The following TMPRSS11F variants were observed in gnomAD, a reference collection of about 807,000 sequenced individuals.
The protein encoded by TMPRSS11F is transmembrane protease serine 11F.
In TMPRSS11F, 47 loss-of-function variants were observed where a neutral mutation model predicts 60.2. That is an observed-to-expected ratio of 0.78 (90% CI 0.62 to 1.00). The LOEUF is 1.00. TMPRSS11F is among the 50% of genes least tolerant of loss of function. The pLI is 0.00. For missense variants in TMPRSS11F, 519 were observed against 522.9 expected (o/e 0.99, Z 0.07); for synonymous variants, 166 against 167.3 (o/e 0.99, Z 0.06).
chr4:68,098,606 G>A (rs1457932358), intron 2 of TMPRSS11F, among the ~76,000 whole-genome samples: 1 of 152,102 alleles, frequency 6.6e-6, no homozygotes, highest in Non-Finnish European at 1.5e-5. Flanking sequence ...AGCACATTAT[G>A]TAATTTGTCT....
intron 1 of TMPRSS11F, among the ~76,000 whole-genome samples, chr4:68,109,705 A>G (rs1724374531): frequency 6.6e-6 from 1 of 152,184 alleles, no homozygotes; most frequent in African/African-American, 2.4e-5. Context: ...TCAGGACTAT[A>G]TAAACATCCT....
rs372693715 is a variant in TMPRSS11F, at chr4:68,068,839, T to C, written c.554-20A>G. 1 of 1,611,068 alleles carries C rather than the reference T, an allele frequency of 6.2e-7. No individual in the cohort carries two copies. Among genetic ancestry groups the C allele is most frequent in the Non-Finnish European group, 8.5e-7 (1 of 1,177,504 alleles). ...CACAGCCTGCCACAGAAATACATGA[T>C]CATTCATATTCATAAAAAGGAGGAA... On this transcript the variant is annotated intron_variant, in intron 6 of 9. Transcript: ENST00000356291.
intron 1 of TMPRSS11F, among the ~76,000 whole-genome samples, chr4:68,115,775 A>G (rs1186812428): frequency 6.6e-6 from 1 of 152,224 alleles, no homozygotes; most frequent in African/African-American, 2.4e-5. Flanking sequence ...AATAGCACTG[A>G]AAACTATGAA....
chr4:68,093,146 T>G lies in TMPRSS11F; in HGVS notation c.164-2505A>C, dbSNP rs191508339. Among the ~76,000 whole-genome samples, 32 of 152,352 alleles carry G rather than the reference T, an allele frequency of 2.1e-4. No individual in the cohort carries two copies. In the Middle Eastern group the frequency reaches 0.014, roughly 65 times the overall value. On this transcript the variant is annotated intron_variant, in intron 2 of 9. Coordinates refer to ENST00000356291, the MANE Select transcript of TMPRSS11F (RefSeq NM_207407.2). ...AGGAAGCCATTGTAGAAATCGAATT[T>G]AATAATGGCAAATATTTGTGAGAAA...
chr4:68,086,504 A>G (rs1363809398), intron 3 of TMPRSS11F, among the ~76,000 whole-genome samples: 1 of 152,160 alleles, frequency 6.6e-6, no homozygotes, highest in African/African-American at 2.4e-5. Context: ...AAGCTAGCAA[A>G]ATAAAAGACA....
At chr4:68,107,933 C>T (rs1183647841) in intron 1 of TMPRSS11F, among the ~76,000 whole-genome samples, 16 of 152,066 alleles carry the variant, frequency 1.1e-4, no homozygotes, top group Non-Finnish European at 2.2e-4. Flanking sequence ...GAGACTCTGT[C>T]TCAAATTTAA....
chr4:68,053,614 G>C lies in TMPRSS11F; in HGVS notation c.*295C>G, dbSNP rs764888848. ...ATATCCTGTGGAAAATGATGTTCCT[G>C]TCTTCAATTGAGGGAAACCACTTAT... On this transcript the variant is annotated 3_prime_UTR_variant, in exon 10 of 10. Transcript: ENST00000356291. 4.1e-6 allele frequency: 1 copy of C among 244,628 alleles called. No homozygotes were observed. The highest frequency in any genetic ancestry group is 2.2e-5 in the African/African-American group (1 of 44,868). 15.2% of individuals were successfully genotyped at this position (244,628 alleles called of 1,614,324 possible).
intron 1 of TMPRSS11F, among the ~76,000 whole-genome samples, chr4:68,120,207 T>C (rs1212053256): frequency 6.6e-6 from 1 of 152,036 alleles, no homozygotes; most frequent in Non-Finnish European, 1.5e-5. Flanking sequence ...CTATTCCTGG[T>C]GAAATGTTTT....
At chr4:68,062,114 T>C (rs1230112423) in intron 8 of TMPRSS11F, 2 of 449,842 alleles carry the variant, frequency 4.4e-6, no homozygotes, top group African/African-American at 4.0e-5. Flanking sequence ...TTAAAGAACA[T>C]TACAAACACC....
At chr4:68,063,224 A>G (rs1456055347) in intron 8 of TMPRSS11F, 1 of 582,406 alleles carries the variant, frequency 1.7e-6, no homozygotes, top group Middle Eastern at 3.4e-4. Flanking sequence ...TAAAACAGGT[A>G]AGTTCATGTA....
chr4:68,129,754 A>T, intron 1 of TMPRSS11F, 56 bp downstream of exon 1: 1 of 1,567,034 alleles, frequency 6.4e-7, no homozygotes, highest in Non-Finnish European at 8.8e-7. Flanking sequence ...CTGTCTCAGG[A>T]ATTGTAAACC....
intron 1 of TMPRSS11F, among the ~76,000 whole-genome samples, chr4:68,123,944 G>C (rs4317250): frequency 0.22 from 33,049 of 152,000 alleles, 4,029 homozygotes; most frequent in Admixed American, 0.37. Context: ...ATCAAGGTCG[G>C]GCACGGTGGC....
chr4:68,117,457 G>C (rs1560411964), intron 1 of TMPRSS11F, among the ~76,000 whole-genome samples: 1 of 104,152 alleles, frequency 9.6e-6, no homozygotes, highest in Non-Finnish European at 1.8e-5. Flanking sequence ...GACAGAGCGA[G>C]ACTCTGTCTC....
At chr4:68,065,027 C>T (rs1458080393) in intron 7 of TMPRSS11F, 83 bp from the exon 8 acceptor site, 33 of 1,323,330 alleles carry the variant, frequency 2.5e-5, no homozygotes, top group Non-Finnish European at 3.3e-5. Context: ...TCCCAACTGT[C>T]AGTATTATGC....
chr4:68,066,426 A>G (rs953469737), intron 7 of TMPRSS11F, among the ~76,000 whole-genome samples: 1 of 152,186 alleles, frequency 6.6e-6, no homozygotes, highest in Non-Finnish European at 1.5e-5. Context: ...TACGAAAATT[A>G]AGACCCAGAA....
chr4:68,093,622 T>A (rs1197755396), intron 2 of TMPRSS11F, among the ~76,000 whole-genome samples: 1 of 151,612 alleles, frequency 6.6e-6, no homozygotes, highest in Non-Finnish European at 1.5e-5. Context: ...ACCTACAAAA[T>A]GGGAGAAAAT....
chr4:68,060,600 C>T lies in TMPRSS11F; in HGVS notation c.1016-1132G>A, dbSNP rs1216102772. ...CCTTGACAGAAACATAAGTATCTCT[C>T]TTTTTTTTTTTCAGGTTCTAATTCC... On this transcript the variant is annotated intron_variant, in intron 8 of 9. Coordinates refer to ENST00000356291, the MANE Select transcript of TMPRSS11F (RefSeq NM_207407.2). Among the ~76,000 whole-genome samples, 622 of 113,316 alleles carry T rather than the reference C, an allele frequency of 5.5e-3. 8 individuals carry two copies. The highest frequency in any genetic ancestry group is 0.019 in the African/African-American group (605 of 31,864). 74.3% of individuals were successfully genotyped at this position (113,316 alleles called of 152,430 possible).
chr4:68,066,499 G>A (rs544434534), intron 7 of TMPRSS11F, among the ~76,000 whole-genome samples: 1 of 152,280 alleles, frequency 6.6e-6, no homozygotes, highest in South Asian at 2.1e-4. Context: ...GATGGTTCTG[G>A]TCTCTTTCCA....
At position 68,098,869 on chromosome 4, in the gene TMPRSS11F, T is replaced by C. The variant is rs371230146; in HGVS notation, c.163+18A>G. The C allele has an allele frequency of 2.7e-4, 430 of 1,599,800 alleles. 1 individual carries two copies. The highest frequency in any genetic ancestry group is 3.5e-4 in the Non-Finnish European group (409 of 1,172,986). ...TCATGGAGTACTTAGGCAATGGAAC[T>C]GTGACCTGGATACTTACCCTCAACA... On this transcript the variant is annotated intron_variant, in intron 2 of 9. Transcript: ENST00000356291.
Sources: allele counts gnomAD v4.1 joint callset (sites outside exome capture counted in the v4.1 genomes callset), GRCh38; gene constraint gnomAD v4.1.1; transcripts MANE v1.5; gene names NCBI Gene and HGNC (gene_info 2026-07-23, HGNC 2026-07-21).